The following IDH2 variants were observed in gnomAD, a reference collection of about 807,000 sequenced individuals.
The protein encoded by IDH2 is isocitrate dehydrogenase (NADP(+)) 2.
A neutral mutation model predicts 50.5 loss-of-function variants in IDH2; 18 were observed. The observed-to-expected ratio is 0.36, with a 90% confidence interval of 0.25 to 0.53. IDH2 has a LOEUF of 0.53. Among genes scored for constraint, IDH2 ranks in the 20% least tolerant of loss-of-function variants. The pLI is 0.92. For synonymous variants in IDH2, 280 were observed against 239.8 expected (o/e 1.17, Z -1.55); for missense variants, 518 against 610.7 (o/e 0.85, Z 1.60).
chr15:90,084,155 C>T lies in IDH2; in HGVS notation c.*111G>A. ...AACATCTGGCTTATAAAAAAACATC[C>T]CCTAGAAAGGCCTCCAGAGAGGGGC... On this transcript the variant is annotated 3_prime_UTR_variant, in exon 11 of 11. Transcript: ENST00000330062. The surrounding 1 kb of genome is among the most constrained non-coding windows in gnomAD (Gnocchi z 5.0). 1 of 784,510 alleles carries T rather than the reference C, an allele frequency of 1.3e-6. No homozygotes were observed. Among genetic ancestry groups the T allele is most frequent in the African/African-American group, 1.7e-5 (1 of 58,288 alleles). The allele number at this position is 784,510 out of a possible 1,614,324, so 48.6% of individuals were successfully genotyped here. A position where few individuals can be genotyped will look rare whatever the true frequency, so the allele number is the denominator to read the frequency against.
chr15:90,083,755 A>T lies in IDH2; in HGVS notation c.*511T>A, dbSNP rs1282242958. Reference sequence around the variant, plus strand: ...CTGGACACAGAAACTGGATCATGCTAGAAAATTCCAGGGAACCCACAGGCC... The same window carrying T: ...CTGGACACAGAAACTGGATCATGCTTGAAAATTCCAGGGAACCCACAGGCC... On this transcript the variant is annotated 3_prime_UTR_variant, in exon 11 of 11. Transcript: ENST00000330062. The T allele has an allele frequency of 5.0e-6, 1 of 199,332 alleles. No individual in the cohort carries two copies. Among genetic ancestry groups the T allele is most frequent in the Non-Finnish European group, 1.1e-5 (1 of 94,590 alleles). The allele number at this position is 199,332 out of a possible 1,614,324, so 12.3% of individuals were successfully genotyped here.
At chr15:90,095,495 T>G (rs897703406) in intron 1 of IDH2, among the ~76,000 whole-genome samples, 1 of 145,088 alleles carries the variant, frequency 6.9e-6, no homozygotes, top group African/African-American at 2.5e-5. Context: ...AAATGAACTA[T>G]CATAATCAGG....
intron 1 of IDH2, among the ~76,000 whole-genome samples, chr15:90,097,374 T>C (rs1371682930): frequency 1.3e-5 from 2 of 152,212 alleles, no homozygotes. Flanking sequence ...GAAAAAAACA[T>C]AGTATCTACA....
rs2151556617 is a variant in IDH2, at chr15:90,100,072, CCAGT to C, written c.115+2200_115+2203del. Among the ~76,000 whole-genome samples, 1 of 152,246 alleles carries C rather than the reference CCAGT, an allele frequency of 6.6e-6. No individual in the cohort carries two copies. The highest frequency in any genetic ancestry group is 1.9e-4 in the East Asian group (1 of 5,192). On this transcript the variant is annotated intron_variant, in intron 1 of 10. Coordinates refer to ENST00000330062, the MANE Select transcript of IDH2 (RefSeq NM_002168.4). This position sits in a 1 kb window ranked among gnomAD's most constrained non-coding sequence, Gnocchi z 4.1. ...TCTGGTATGCATTGCCACACAGGGG[CCAGT>C]GAGTTCTTACCAGCAGCCTGCACCA...
rs201240576 is a variant in IDH2 at position 90,088,543 on chromosome 15, G to A, written c.535-41C>T. On this transcript the variant is annotated intron_variant, in intron 4 of 10. Coordinates refer to ENST00000330062, the MANE Select transcript of IDH2 (RefSeq NM_002168.4). ...GATGGCTAGGCGAGGAGCTCCAGTC[G>A]GGGGGTGCCCAGGTCAGTGGATCCC... 7.1e-5 allele frequency: 115 copies of A among 1,613,930 alleles called. 1 individual carries two copies. In the South Asian group the frequency reaches 1.1e-3, roughly 16 times the overall value.
intron 1 of IDH2, among the ~76,000 whole-genome samples, chr15:90,094,180 C>T (rs1901122197): frequency 1.3e-5 from 2 of 152,206 alleles, no homozygotes; most frequent in African/African-American, 4.8e-5. Context: ...GGGTAGGGGG[C>T]AGGGGACGCT....
At position 90,084,310 on chromosome 15, in the gene IDH2, C is replaced by G; in HGVS notation, c.1315G>C (p.Asp439His). 6.2e-7 allele frequency: 1 copy of G among 1,614,046 alleles called. No homozygotes were observed. The highest frequency in any genetic ancestry group is 1.1e-5 in the South Asian group (1 of 91,064). ...CTGTCCAGGTTGCTCTTGATGGTGT[C>G]GAGGAAGTCCGTGGTGTTCAGGAAG... ...EHFLNTTDFL[D>H]TIKSNLDRAL... Residue 439 changes from aspartate (D) to histidine (H), a missense_variant, in exon 11 of 11, where the codon GAC becomes CAC. Physicochemically the swap from Asp to His is moderately conservative, Grantham distance 81. Coordinates refer to ENST00000330062, the MANE Select transcript of IDH2 (RefSeq NM_002168.4). This position sits in a 1 kb window ranked among gnomAD's most constrained non-coding sequence, Gnocchi z 5.0.
rs568366715 is a variant in IDH2 at position 90,087,946 on chromosome 15, C to G, written c.679-371G>C. ...GGCTTATCCAATCAGAAGCCTTTCT[C>G]CCCAGGGCCTCTGTGATTGGCTCAG... On this transcript the variant is annotated intron_variant, in intron 5 of 10. Transcript: ENST00000330062. 2.6e-5 allele frequency among the ~76,000 whole-genome samples: 4 copies of G among 151,992 alleles called. No homozygotes were observed. The South Asian group carries it at 8.3e-4, about 32-fold the overall frequency.
intron 1 of IDH2, among the ~76,000 whole-genome samples, chr15:90,094,096 G>C (rs555932694): frequency 6.6e-6 from 1 of 152,322 alleles, no homozygotes; most frequent in Non-Finnish European, 1.5e-5. Flanking sequence ...GCCGACGCAG[G>C]TGGGTCAGTC....
At chr15:90,088,220 C>G (rs1189938265) in intron 5 of IDH2, 139 bp downstream of exon 5, 1 of 1,127,180 alleles carries the variant, frequency 8.9e-7, no homozygotes, top group Non-Finnish European at 1.3e-6. Flanking sequence ...GTGTCAGCCA[C>G]CATGCCCAGC....
chr15:90,102,457 T>C lies in IDH2; in HGVS notation c.-67A>G. The C allele has an allele frequency of 1.1e-6, 1 of 922,284 alleles. No individual in the cohort carries two copies. The highest frequency in any genetic ancestry group is 1.4e-6 in the Non-Finnish European group (1 of 714,894). The allele number at this position is 922,284 out of a possible 1,614,324, so 57.1% of individuals were successfully genotyped here. On this transcript the variant is annotated 5_prime_UTR_variant, in exon 1 of 11. Coordinates refer to ENST00000330062, the MANE Select transcript of IDH2 (RefSeq NM_002168.4). Reference sequence around the variant, plus strand: ...GCGCGCGCCGCTCCTCCCGGCTGCCTGGCCGCGGGCTAACGCTGGGCCTGG... The same window carrying C: ...GCGCGCGCCGCTCCTCCCGGCTGCCCGGCCGCGGGCTAACGCTGGGCCTGG...
At position 90,084,237 on chromosome 15, in the gene IDH2, T is replaced by C. The variant is rs993157282; in HGVS notation, c.*29A>G. ...GACCCGCCGGCTCAGCCCTGGCCCC[T>C]CCACTGCAGCCATGGGTGGCGCCTC... On this transcript the variant is annotated 3_prime_UTR_variant, in exon 11 of 11. Transcript: ENST00000330062. The surrounding 1 kb of genome is among the most constrained non-coding windows in gnomAD (Gnocchi z 5.0). The C allele has an allele frequency of 1.2e-5, 20 of 1,601,772 alleles. No homozygotes were observed. Among genetic ancestry groups the C allele is most frequent in the Non-Finnish European group, 1.7e-5 (20 of 1,170,698 alleles).
chr15:90,091,311 C>CCT (rs1285282228), intron 2 of IDH2, among the ~76,000 whole-genome samples: 4 of 152,224 alleles, frequency 2.6e-5, no homozygotes, highest in Non-Finnish European at 5.9e-5. Flanking sequence ...GTTGACAGAA[C>CCT]GTGTGGGATC....
chr15:90,085,153 G>GC lies in IDH2; in HGVS notation c.1081-56dup. 6.4e-7 allele frequency: 1 copy of GC among 1,573,638 alleles called. No homozygotes were observed. Among genetic ancestry groups the GC allele is most frequent in the Non-Finnish European group, 8.7e-7 (1 of 1,144,852 alleles). Reference sequence around the variant, plus strand: ...AGCCGAGCCAGCTAGTGAGGAGGCTGCCCAGATACAGCTGCCCGCCCCTGG... The same window carrying GC: ...AGCCGAGCCAGCTAGTGAGGAGGCTGCCCCAGATACAGCTGCCCGCCCCTGG... On this transcript the variant is annotated intron_variant, in intron 8 of 10. Transcript: ENST00000330062. This position sits in a 1 kb window ranked among gnomAD's most constrained non-coding sequence, Gnocchi z 5.5.
At position 90,088,381 on chromosome 15, in the gene IDH2, A is replaced by G. The variant is rs1900929362; in HGVS notation, c.656T>C (p.Met219Thr). Residue 219 changes from methionine (M) to threonine (T), a missense_variant, in exon 5 of 11, where the codon ATG (methionine) becomes ACG (threonine). This residue lies in a region of IDH2 where 207 missense variants were observed against 208.6 expected (regional missense o/e 0.99). Coordinates refer to ENST00000330062, the MANE Select transcript of IDH2 (RefSeq NM_002168.4). ...VYNFPAGGVG[M>T]GMYNTDESIS... The stretch of plus-strand genomic sequence containing the variant: ...CACCTCGTCGGTGTTGTACATGCCC[A>G]TGCCCACGCCGCCTGCGGGGAAGTT... The G allele has an allele frequency of 1.2e-6, 2 of 1,613,900 alleles. No individual in the cohort carries two copies. The highest frequency in any genetic ancestry group is 1.3e-5 in the African/African-American group (1 of 74,936).
chr15:90,092,331 A>G (rs199890835), intron 1 of IDH2, among the ~76,000 whole-genome samples: 1 of 131,586 alleles, frequency 7.6e-6, no homozygotes, highest in Non-Finnish European at 1.8e-5. Flanking sequence ...GGATCCATCC[A>G]TCCTTACTTA....
At chr15:90,087,409 AG>A in intron 6 of IDH2, 29 bp downstream of exon 6, 1 of 1,614,094 alleles carries the variant, frequency 6.2e-7, no homozygotes, top group African/African-American at 1.3e-5. Context: ...AAGGGAAGAA[AG>A]GCCACAGAGT....
At chr15:90,102,077 C>T (rs904598487) in intron 1 of IDH2, among the ~76,000 whole-genome samples, 199 bp downstream of exon 1, 15 of 151,960 alleles carry the variant, frequency 9.9e-5, no homozygotes, top group Non-Finnish European at 1.9e-4. Flanking sequence ...CCCTCAAGTC[C>T]CCACCCCAGC....
At chr15:90,088,787 C>T (rs1392328897) in intron 3 of IDH2, 40 bp from the exon 4 acceptor site, 4 of 1,611,126 alleles carry the variant, frequency 2.5e-6, no homozygotes, top group Middle Eastern at 1.7e-4. Flanking sequence ...CTGCAGCCGC[C>T]ATCTTTCAAC....
Sources: gnomAD v4.1 joint callset for allele counts (sites outside exome capture counted in the v4.1 genomes callset) on GRCh38, gnomAD v4.1.1 for gene constraint, gnomAD v4.1.1 regional missense constraint, Gnocchi (gnomAD v3.1) non-coding constraint, MANE v1.5 for transcripts, NCBI Gene and HGNC (gene_info 2026-07-23, HGNC 2026-07-21) for gene names.